The following CHSY3 variants were observed in gnomAD, a reference collection of about 807,000 sequenced individuals.
CHSY3 encodes the protein N-acetylgalactosaminyl-proteoglycan 3-beta-glucuronosyltransferase 3.
CHSY3 carries 35 observed loss-of-function variants against 67.2 expected under a neutral mutation model. The observed-to-expected ratio is 0.52, with a 90% CI of 0.40 to 0.69. The LOEUF is 0.69. CHSY3 is among the 30% of genes least tolerant of loss of function. CHSY3 has a pLI of 0.00. For synonymous variants in CHSY3, 474 were observed against 434.7 expected (o/e 1.09, Z -1.12); for missense variants, 1,069 against 1,138.5 (o/e 0.94, Z 0.88).
chr5:129,915,863 C>T (rs1760714961), intron 2 of CHSY3, among the ~76,000 whole-genome samples: 1 of 152,132 alleles, frequency 6.6e-6, no homozygotes, highest in African/African-American at 2.4e-5. Flanking sequence ...ACTCTAACTT[C>T]TTTCGATACT....
intron 2 of CHSY3, among the ~76,000 whole-genome samples, chr5:130,071,362 C>T (rs1011900091): frequency 7.9e-5 from 12 of 152,014 alleles, no homozygotes; most frequent in African/African-American, 2.7e-4. Flanking sequence ...AATTTTCAAA[C>T]CTGACATTTG....
intron 2 of CHSY3, among the ~76,000 whole-genome samples, chr5:130,170,948 C>G (rs1350567872): frequency 6.6e-6 from 1 of 151,860 alleles, no homozygotes; most frequent in East Asian, 1.9e-4. Flanking sequence ...TAGTTATGCT[C>G]TGAACCCATC....
chr5:129,910,247 A>C (rs1760489327), intron 2 of CHSY3, among the ~76,000 whole-genome samples: 5 of 152,038 alleles, frequency 3.3e-5, no homozygotes, highest in Admixed American at 3.3e-4. Flanking sequence ...TAACCTGGTG[A>C]ATATAACATT....
chr5:130,074,963 G>T (rs987002840), intron 2 of CHSY3, among the ~76,000 whole-genome samples: 4 of 152,226 alleles, frequency 2.6e-5, no homozygotes, highest in Non-Finnish European at 5.9e-5. Flanking sequence ...GCTGTATTTA[G>T]TTCTGTCATC....
At chr5:130,010,828 TA>T (rs1245720700) in intron 2 of CHSY3, among the ~76,000 whole-genome samples, 1 of 151,670 alleles carries the variant, frequency 6.6e-6, no homozygotes, top group African/African-American at 2.4e-5. Flanking sequence ...CACAAAAAAA[TA>T]GAGAGTATTA....
intron 2 of CHSY3, among the ~76,000 whole-genome samples, chr5:130,122,005 AAAGGCCCT>A (rs1310346767): frequency 1.3e-5 from 2 of 152,156 alleles, no homozygotes; most frequent in East Asian, 3.9e-4. Context: ...TACTTTGTGT[AAAGGCCCT>A]ACCCGAGGCA....
chr5:130,092,007 G>T (rs1766896393), intron 2 of CHSY3, among the ~76,000 whole-genome samples: 1 of 152,100 alleles, frequency 6.6e-6, no homozygotes. Flanking sequence ...CTCAGTCAGA[G>T]AGCATTTGGG....
chr5:129,934,680 G>C (rs1214975984), intron 2 of CHSY3, among the ~76,000 whole-genome samples: 3 of 152,098 alleles, frequency 2.0e-5, no homozygotes, highest in African/African-American at 7.2e-5. Context: ...GCTGAGTACT[G>C]GTCCTGGATA....
At chr5:130,111,631 T>A (rs1860066) in intron 2 of CHSY3, among the ~76,000 whole-genome samples, 91,844 of 151,930 alleles carry the variant, frequency 0.6, 29,173 homozygotes, top group African/African-American at 0.8. Context: ...TTGCCTAGAG[T>A]GTATTTAAAG....
intron 2 of CHSY3, among the ~76,000 whole-genome samples, chr5:130,060,503 G>A (rs918539073): frequency 5.3e-5 from 8 of 152,066 alleles, no homozygotes; most frequent in Non-Finnish European, 1.2e-4. Flanking sequence ...GAACTGGAAC[G>A]AGACAAGGAT....
intron 2 of CHSY3, among the ~76,000 whole-genome samples, chr5:130,137,820 C>G (rs1768714986): frequency 6.6e-6 from 1 of 152,186 alleles, no homozygotes; most frequent in Non-Finnish European, 1.5e-5. Context: ...ACAGTAGCAA[C>G]TGTAACGTCT....
intron 2 of CHSY3, among the ~76,000 whole-genome samples, chr5:129,996,182 A>G (rs1328372624): frequency 6.6e-6 from 1 of 152,192 alleles, no homozygotes. Flanking sequence ...GAAGTGCCTA[A>G]CAACAGCAGC....
In CHSY3 at chr5:130,014,452, G is replaced by A. The variant is rs187890069; in HGVS notation, c.1086+106092G>A. On this transcript the variant is annotated intron_variant, in intron 2 of 2. Coordinates refer to ENST00000305031, the MANE Select transcript of CHSY3 (RefSeq NM_175856.5). ...CAGTAAACTTACAATCATGGTGGAA[G>A]GCACCTCTTCACAGGACAGCAGGAG... Among the ~76,000 whole-genome samples the A allele has an allele frequency of 2.7e-3, 408 of 152,304 alleles. 1 individual carries two copies. Among genetic ancestry groups the A allele is most frequent in the Non-Finnish European group, 4.2e-3 (285 of 68,030 alleles).
At chr5:129,962,130 TTCGG>T (rs554451191) in intron 2 of CHSY3, among the ~76,000 whole-genome samples, 164 of 152,124 alleles carry the variant, frequency 1.1e-3, no homozygotes, top group African/African-American at 3.8e-3. Context: ...TTCTCCTCTC[TTCGG>T]TACCAACTAT....
intron 2 of CHSY3, among the ~76,000 whole-genome samples, chr5:130,065,802 T>C (rs888034319): frequency 2.6e-5 from 4 of 152,144 alleles, no homozygotes; most frequent in African/African-American, 9.7e-5. Context: ...TTCATCGACT[T>C]TTCCAGTTTG....
rs373484838 is a variant in CHSY3, at chr5:130,185,015, G to C, written c.1873G>C (p.Val625Leu). The C allele has an allele frequency of 1.2e-5, 19 of 1,571,590 alleles. No homozygotes were observed. Among genetic ancestry groups the C allele is most frequent in the African/African-American group, 2.7e-5 (2 of 73,914 alleles). The change falls in exon 3 of 3, where the codon GTT becomes CTT. Residue 625 changes from valine (V) to leucine (L), a missense_variant. Val to Leu is a conservative substitution (Grantham distance 32). This residue lies in a region of CHSY3 where 401 missense variants were observed against 395.2 expected (regional missense o/e 1.01). Coordinates refer to ENST00000305031, the MANE Select transcript of CHSY3 (RefSeq NM_175856.5). Reference protein sequence around the residue: ...GHNEKKVHILVPLIGRYDIFL... With the variant: ...GHNEKKVHILLPLIGRYDIFL... ...CAATGAAAAGAAAGTACACATTCTC[G>C]TTCCTCTCATCGGAAGGTATGACAT...
At chr5:130,133,600 C>A (rs944657570) in intron 2 of CHSY3, among the ~76,000 whole-genome samples, 1 of 151,296 alleles carries the variant, frequency 6.6e-6, no homozygotes, top group African/African-American at 2.4e-5. Context: ...GGTAAAACCC[C>A]ATCTATACTA....
chr5:130,030,172 C>T (rs1053805541), intron 2 of CHSY3, among the ~76,000 whole-genome samples: 3 of 152,168 alleles, frequency 2.0e-5, no homozygotes, highest in East Asian at 1.9e-4. Context: ...TGAATTATCT[C>T]ACCTAAAATA....
chr5:129,933,136 G>C (rs1459346657), intron 2 of CHSY3, among the ~76,000 whole-genome samples: 1 of 152,150 alleles, frequency 6.6e-6, no homozygotes, highest in Non-Finnish European at 1.5e-5. Flanking sequence ...CCTCCTCCAT[G>C]ATTGGAGGAT....
Sources: gnomAD v4.1 joint callset for allele counts (sites outside exome capture counted in the v4.1 genomes callset) on GRCh38, gnomAD v4.1.1 for gene constraint, gnomAD v4.1.1 regional missense constraint, MANE v1.5 for transcripts, NCBI Gene and HGNC (gene_info 2026-07-23, HGNC 2026-07-21) for gene names.